The following NEBL variants were observed in gnomAD, a reference collection of about 807,000 sequenced individuals.
The protein encoded by NEBL is LIM and SH3 protein 2.
NEBL carries 122 observed loss-of-function variants against 140.2 expected under a neutral mutation model. The observed-to-expected ratio is 0.87, with a 90% CI of 0.75 to 1.01. NEBL has a LOEUF of 1.01. Ranked by LOEUF, NEBL falls within the 50% of genes least tolerant of loss-of-function variation. The pLI is 0.00. For missense variants in NEBL, 1,365 were observed against 1,231.3 expected, an observed-to-expected ratio of 1.11 and a Z score of -1.62; for synonymous variants, 436 against 398.9, an observed-to-expected ratio of 1.09 and a Z score of -1.11.
At chr10:21,243,387 A>G (rs141751839) in intron 3 of NEBL, among the ~76,000 whole-genome samples, 2,474 of 149,790 alleles carry the variant, frequency 0.017, 66 homozygotes, top group African/African-American at 0.056. Context: ...GCTCACTGCA[A>G]CCTCTGCCTC....
At chr10:21,138,546 A>T (rs562809496) in intron 2 of NEBL, among the ~76,000 whole-genome samples, 3 of 152,220 alleles carry the variant, frequency 2.0e-5, no homozygotes, top group Admixed American at 6.5e-5. Flanking sequence ...GGTGAGGAAG[A>T]CCAGAAGCAA....
At chr10:20,819,798 C>T (rs1839108918) in intron 19 of NEBL, among the ~76,000 whole-genome samples, 1 of 152,096 alleles carries the variant, frequency 6.6e-6, no homozygotes, top group South Asian at 2.1e-4. Flanking sequence ...CATCACAGCT[C>T]ACTGCAGCCT....
intron 2 of NEBL, among the ~76,000 whole-genome samples, chr10:21,074,427 A>G (rs1160280246): frequency 6.6e-6 from 1 of 151,900 alleles, no homozygotes; most frequent in African/African-American, 2.4e-5. Flanking sequence ...AGATGATTAT[A>G]TTGTACATCT....
intron 4 of NEBL, among the ~76,000 whole-genome samples, chr10:20,882,577 A>C (rs1192970038): frequency 6.6e-6 from 1 of 152,234 alleles, no homozygotes; most frequent in Non-Finnish European, 1.5e-5. Flanking sequence ...TTTAGTGAAC[A>C]GATGAATAAA....
At chr10:21,037,359 C>A (rs1282982598) in intron 2 of NEBL, among the ~76,000 whole-genome samples, 1 of 151,920 alleles carries the variant, frequency 6.6e-6, no homozygotes, top group Non-Finnish European at 1.5e-5. Context: ...CCCTGAAAAC[C>A]ATTCAAGAGG....
intron 3 of NEBL, among the ~76,000 whole-genome samples, chr10:21,201,088 A>G (rs553446190): frequency 1.3e-5 from 2 of 152,306 alleles, no homozygotes; most frequent in South Asian, 4.1e-4. Context: ...CAAAAAAAAA[A>G]AAGATTTTTC....
intron 2 of NEBL, among the ~76,000 whole-genome samples, chr10:21,169,073 T>A (rs376357456): frequency 0.013 from 566 of 44,154 alleles, 17 homozygotes; most frequent in African/African-American, 0.056. Flanking sequence ...AAAAAATATA[T>A]ATATATATAT....
At chr10:21,038,472 T>C (rs1015413415) in intron 2 of NEBL, among the ~76,000 whole-genome samples, 3 of 128,886 alleles carry the variant, frequency 2.3e-5, no homozygotes, top group Non-Finnish European at 5.0e-5. Context: ...TTTGGTTTTC[T>C]TGTCCTGTGT....
At chr10:21,172,262 G>A in intron 2 of NEBL, 1 of 763,154 alleles carries the variant, frequency 1.3e-6, no homozygotes, top group Non-Finnish European at 2.3e-6. Context: ...GATATAAACA[G>A]GTAACTGGCC....
intron 3 of NEBL, among the ~76,000 whole-genome samples, chr10:21,197,778 A>G (rs1841674105): frequency 6.6e-6 from 1 of 152,206 alleles, no homozygotes; most frequent in Non-Finnish European, 1.5e-5. Context: ...TCCAGGTCCT[A>G]CATACCAGTG....
chr10:21,283,043 G>A, intron 1 of NEBL, among the ~76,000 whole-genome samples: 1 of 151,798 alleles, frequency 6.6e-6, no homozygotes, highest in East Asian at 1.9e-4. Context: ...GGCTGAGGCA[G>A]GAGAATAGCT....
chr10:20,967,655 T>G (rs919558578), intron 3 of NEBL, among the ~76,000 whole-genome samples: 3 of 149,686 alleles, frequency 2.0e-5, no homozygotes, highest in Non-Finnish European at 3.0e-5. Context: ...TGCATACTGG[T>G]GAATGTATGG....
At chr10:21,190,218 G>T (rs1376549037) in intron 3 of NEBL, among the ~76,000 whole-genome samples, 1 of 152,056 alleles carries the variant, frequency 6.6e-6, no homozygotes, top group Admixed American at 6.6e-5. Flanking sequence ...AGTGGCTTAC[G>T]TCTGTAATCC....
chr10:21,116,114 T>C (rs10828190), intron 2 of NEBL, among the ~76,000 whole-genome samples: 23,678 of 151,972 alleles, frequency 0.16, 2,099 homozygotes, highest in African/African-American at 0.26. Flanking sequence ...TCTTTTTTTT[T>C]CCTCTACATA....
intron 26 of NEBL, among the ~76,000 whole-genome samples, chr10:20,788,245 T>C (rs1420402875): frequency 1.3e-5 from 2 of 152,186 alleles, no homozygotes; most frequent in East Asian, 3.8e-4. Context: ...GTGCCCTTCA[T>C]TGTCTTTTGA....
chr10:21,217,251 G>A (rs2132241492), intron 3 of NEBL, among the ~76,000 whole-genome samples: 1 of 152,312 alleles, frequency 6.6e-6, no homozygotes, highest in Admixed American at 6.5e-5. Flanking sequence ...GTCATGGAGA[G>A]GAATCCAGAA....
chr10:20,818,346 C>G (rs1838947904), intron 20 of NEBL, among the ~76,000 whole-genome samples: 1 of 152,102 alleles, frequency 6.6e-6, no homozygotes, highest in Admixed American at 6.5e-5. Context: ...CTGACCTCCC[C>G]AAGACTCAGT....
intron 2 of NEBL, among the ~76,000 whole-genome samples, chr10:21,085,776 C>A (rs751797507): frequency 1.3e-5 from 2 of 152,084 alleles, no homozygotes; most frequent in African/African-American, 4.8e-5. Context: ...AAATGCACAA[C>A]TATGAAAATA....
intron 2 of NEBL, among the ~76,000 whole-genome samples, chr10:21,027,311 A>C (rs199584939): frequency 6.4e-5 from 9 of 139,664 alleles, no homozygotes; most frequent in Admixed American, 5.8e-4. Context: ...TAAAAAAAAA[A>C]CAACAACTTT....
Sources: gnomAD v4.1 joint callset for allele counts (sites outside exome capture counted in the v4.1 genomes callset) on GRCh38, gnomAD v4.1.1 for gene constraint, MANE v1.5 for transcripts, NCBI Gene and HGNC (gene_info 2026-07-23, HGNC 2026-07-21) for gene names.